Variants in PSME4 observed in about 807,000 individuals in gnomAD.
The protein encoded by PSME4 is proteasome activator subunit 4.
PSME4 carries 89 observed loss-of-function variants against 253.9 expected under a neutral mutation model. That is an observed-to-expected ratio of 0.35 (90% CI 0.30 to 0.42). The LOEUF (loss-of-function observed/expected upper bound fraction) is 0.42. Among genes scored for constraint, PSME4 ranks in the 10% least tolerant of loss-of-function variants. The pLI, the probability that PSME4 is intolerant of heterozygous loss-of-function variation, is 1.00. For synonymous variants in PSME4, 851 were observed against 759.2 expected (o/e 1.12, Z -1.99); for missense variants, 2,014 against 2,195.2 (o/e 0.92, Z 1.65).
At position 53,931,948 on chromosome 2, in the gene PSME4, A is replaced by C; in HGVS notation, c.1203T>G (p.Ile401Met). Residue 401 changes from isoleucine to methionine, a missense_variant, in exon 10 of 47, where the codon ATT (isoleucine) becomes ATG (methionine). This residue lies in a region of PSME4 where 615 missense variants were observed against 594.4 expected (regional missense o/e 1.03). Coordinates refer to ENST00000404125, the MANE Select transcript of PSME4 (RefSeq NM_014614.3). The stretch of plus-strand genomic sequence containing the variant: ...TAAACATAGCCAAGAGGACAGGCTG[A>C]ATAATGCATTGTACAAAGTCTGTAA... ...QDVTDFVQCI[I>M]QPVLLAMFSK... The C allele has an allele frequency of 1.2e-6, 2 of 1,614,180 alleles. No homozygotes were observed. The highest frequency in any genetic ancestry group is 1.7e-6 in the Non-Finnish European group (2 of 1,179,994).
intron 20 of PSME4, among the ~76,000 whole-genome samples, chr2:53,914,188 T>C (rs1231259189): frequency 6.6e-6 from 1 of 152,204 alleles, no homozygotes; most frequent in African/African-American, 2.4e-5. Context: ...CCCTGTTTTT[T>C]AGATGTTAGT....
rs1163313829 is a variant in PSME4, at chr2:53,892,818, G to A, written c.4181C>T (p.Thr1394Ile). ...ATATTAATACATCACCTTTTCAAATGTCCAGTGCTTAGAACCTCTGATTAA... is the reference window on the plus strand; with the variant it reads ...ATATTAATACATCACCTTTTCAAATATCCAGTGCTTAGAACCTCTGATTAA... ...AGLIRGSKHW[T>I]FEKVEKLWEL... Residue 1394 changes from threonine to isoleucine, a missense_variant, in exon 36 of 47, where the codon ACA becomes ATA. Transcript: ENST00000404125. 6.2e-7 allele frequency: 1 copy of A among 1,611,600 alleles called. No homozygotes were observed. Among genetic ancestry groups the A allele is most frequent in the Non-Finnish European group, 8.5e-7 (1 of 1,179,174 alleles).
chr2:53,896,457 T>C (rs927906401), intron 32 of PSME4, among the ~76,000 whole-genome samples: 1 of 152,100 alleles, frequency 6.6e-6, no homozygotes, highest in Non-Finnish European at 1.5e-5. Flanking sequence ...GGTAATACAA[T>C]AAGGTATGAG....
At chr2:53,908,229 ACTT>A (rs1315592738) in intron 24 of PSME4, 88 bp downstream of exon 24, 7 of 976,094 alleles carry the variant, frequency 7.2e-6, no homozygotes, top group East Asian at 2.7e-5. Context: ...TTTTAGGAAA[ACTT>A]CTTCTATATG....
chr2:53,922,553 G>C lies in PSME4; in HGVS notation c.2010C>G (p.Asp670Glu). The change falls in exon 17 of 47, where the codon GAC (aspartate) becomes GAG (glutamate). Residue 670 changes from aspartate (D) to glutamate (E), a missense_variant. Physicochemically the swap from Asp to Glu is conservative, Grantham distance 45. This residue lies in a region of PSME4 where 989 missense variants were observed against 1,021.1 expected (regional missense o/e 0.97). Transcript: ENST00000404125. ...NDDVLNDEEL[D>E]KELLWNLQLL... ...GTTGAAGATTCCATAGTAATTCCTT[G>C]TCTAGCTCTTCATCATTTAATACAT... is the stretch of plus-strand genomic sequence containing the variant. 2 of 1,612,760 alleles carry C rather than the reference G, an allele frequency of 1.2e-6. No individual in the cohort carries two copies. Among genetic ancestry groups the C allele is most frequent in the Non-Finnish European group, 1.7e-6 (2 of 1,179,542 alleles).
At chr2:53,969,995 C>T (rs1670970892) in intron 1 of PSME4, among the ~76,000 whole-genome samples, 1 of 152,184 alleles carries the variant, frequency 6.6e-6, no homozygotes, top group African/African-American at 2.4e-5. Context: ...TCAACTCCGC[C>T]AGGTCTGAGA....
chr2:53,874,324 T>A lies in PSME4; in HGVS notation c.5100+15A>T. On this transcript the variant is annotated intron_variant, in intron 43 of 46. Coordinates refer to ENST00000404125, the MANE Select transcript of PSME4 (RefSeq NM_014614.3). ...AAATTGACTGAATTTCCGTTTTCTATAACTTAAATTTTACCTCCAGTTGTT... is the reference window on the plus strand; with the variant it reads ...AAATTGACTGAATTTCCGTTTTCTAAAACTTAAATTTTACCTCCAGTTGTT... The A allele has an allele frequency of 1.2e-6, 2 of 1,600,556 alleles. No individual in the cohort carries two copies. The highest frequency in any genetic ancestry group is 1.7e-6 in the Non-Finnish European group (2 of 1,175,696).
intron 34 of PSME4, among the ~76,000 whole-genome samples, chr2:53,894,623 T>C (rs761110113): frequency 6.6e-6 from 1 of 152,246 alleles, no homozygotes; most frequent in Admixed American, 6.5e-5. Flanking sequence ...GAGTTTTAAC[T>C]GAAATCTACC....
chr2:53,921,740 C>T (rs1477819621), intron 17 of PSME4, among the ~76,000 whole-genome samples: 4 of 130,706 alleles, frequency 3.1e-5, no homozygotes, highest in Non-Finnish European at 5.0e-5. Flanking sequence ...TAGTGGCGGG[C>T]GCCTGTAGTC....
At chr2:53,949,720 G>T (rs561066275) in intron 1 of PSME4, among the ~76,000 whole-genome samples, 1 of 152,182 alleles carries the variant, frequency 6.6e-6, no homozygotes, top group East Asian at 1.9e-4. Context: ...TTGCTGCCAG[G>T]GGTTGCAAGG....
intron 26 of PSME4, among the ~76,000 whole-genome samples, chr2:53,906,046 T>C (rs1425660734): frequency 6.6e-6 from 1 of 152,204 alleles, no homozygotes; most frequent in African/African-American, 2.4e-5. Context: ...TAACCTGTAG[T>C]TAATTTACAT....
At chr2:53,943,091 A>G (rs984480358) in intron 3 of PSME4, among the ~76,000 whole-genome samples, 3 of 152,224 alleles carry the variant, frequency 2.0e-5, no homozygotes, top group Non-Finnish European at 4.4e-5. Flanking sequence ...CTACCAGGAC[A>G]ATATTCACTT....
At chr2:53,961,473 C>T (rs1670492595) in intron 1 of PSME4, among the ~76,000 whole-genome samples, 1 of 151,924 alleles carries the variant, frequency 6.6e-6, no homozygotes, top group Non-Finnish European at 1.5e-5. Flanking sequence ...TGCGACCAGC[C>T]GTGGCAACAT....
intron 1 of PSME4, among the ~76,000 whole-genome samples, chr2:53,964,075 CAT>C (rs1670608292): frequency 6.6e-6 from 1 of 152,050 alleles, no homozygotes; most frequent in African/African-American, 2.4e-5. Flanking sequence ...CAGAAACACA[CAT>C]ATGCTCATTG....
intron 27 of PSME4, among the ~76,000 whole-genome samples, chr2:53,903,167 A>G (rs1166410664): frequency 1.3e-5 from 2 of 152,184 alleles, no homozygotes; most frequent in Non-Finnish European, 2.9e-5. Flanking sequence ...TAATCAACAT[A>G]CATGGAAATG....
At chr2:53,915,134 C>T (rs1187752000) in intron 20 of PSME4, among the ~76,000 whole-genome samples, 1 of 152,086 alleles carries the variant, frequency 6.6e-6, no homozygotes, top group Non-Finnish European at 1.5e-5. Context: ...CACAGGAAAA[C>T]TAAAAAGTAA....
In PSME4 at chr2:53,927,378, C is replaced by A. The variant is rs1668603499; in HGVS notation, c.1593+16G>T. On this transcript the variant is annotated intron_variant, in intron 12 of 46. Coordinates refer to ENST00000404125, the MANE Select transcript of PSME4 (RefSeq NM_014614.3). ...TAGAACATCTTAGCCCTTTTATAAC[C>A]ATAAAATACCCTTACTTCTGTGAGG... 1 of 1,504,478 alleles carries A rather than the reference C, an allele frequency of 6.6e-7. No homozygotes were observed. The highest frequency in any genetic ancestry group is 9.3e-7 in the Non-Finnish European group (1 of 1,080,690). The allele number at this position is 1,504,478 out of a possible 1,614,324, so 93.2% of individuals were successfully genotyped here.
At chr2:53,878,107 C>T (rs1679217986) in intron 41 of PSME4, among the ~76,000 whole-genome samples, 1 of 152,088 alleles carries the variant, frequency 6.6e-6, no homozygotes, top group Non-Finnish European at 1.5e-5. Flanking sequence ...AAGTCAGGGA[C>T]CCCAAACGGA....
At chr2:53,957,734 T>C (rs1670300018) in intron 1 of PSME4, among the ~76,000 whole-genome samples, 1 of 152,180 alleles carries the variant, frequency 6.6e-6, no homozygotes. Flanking sequence ...TCCCTAGCGA[T>C]GTAAAATGGC....
Sources: allele counts gnomAD v4.1 joint callset (sites outside exome capture counted in the v4.1 genomes callset), GRCh38; gene constraint gnomAD v4.1.1; regional missense constraint gnomAD v4.1.1; transcripts MANE v1.5; gene names NCBI Gene and HGNC (gene_info 2026-07-23, HGNC 2026-07-21).